The following ECT2 variants were observed in gnomAD, a reference collection of about 807,000 sequenced individuals.
ECT2 encodes protein ECT2.
In ECT2, 61 loss-of-function variants were observed where a neutral mutation model predicts 116.9. The ratio of observed to expected loss-of-function variants is 0.52; its 90% CI spans 0.42 to 0.65. The LOEUF (loss-of-function observed/expected upper bound fraction) is 0.65. ECT2 is among the 30% of genes least tolerant of loss of function. The pLI is 0.00. For missense variants in ECT2, 937 were observed against 1,078.7 expected, an observed-to-expected ratio of 0.87 and a Z score of 1.84; for synonymous variants, 358 against 346.4, an observed-to-expected ratio of 1.03 and a Z score of -0.37.
intron 21 of ECT2, among the ~76,000 whole-genome samples, chr3:172,806,852 G>A (rs1291092516): frequency 5.3e-5 from 8 of 151,314 alleles, no homozygotes; most frequent in African/African-American, 1.9e-4. Flanking sequence ...CATGTTGGCC[G>A]GGCTGGTCTT....
At chr3:172,758,841 A>T in intron 5 of ECT2, 139 bp from the exon 6 acceptor site, 1 of 688,866 alleles carries the variant, frequency 1.5e-6, no homozygotes, top group Non-Finnish European at 2.4e-6. Flanking sequence ...TTTGTTGCAT[A>T]TTGAAAAAAT....
At chr3:172,791,214 A>G (rs1193932917) in intron 18 of ECT2, among the ~76,000 whole-genome samples, 1 of 152,230 alleles carries the variant, frequency 6.6e-6, no homozygotes, top group Non-Finnish European at 1.5e-5. Flanking sequence ...TGTTTCATTT[A>G]TAGAGCACAG....
At chr3:172,792,408 A>T (rs185431556) in intron 18 of ECT2, among the ~76,000 whole-genome samples, 8 of 151,118 alleles carry the variant, frequency 5.3e-5, no homozygotes, top group African/African-American at 1.9e-4. Context: ...GGATGCCTAT[A>T]TGCACTTTCT....
intron 12 of ECT2, 84 bp downstream of exon 12, chr3:172,764,584 G>A (rs756040457): frequency 2.8e-5 from 34 of 1,227,370 alleles, no homozygotes; most frequent in Middle Eastern, 1.9e-4. Flanking sequence ...CTGATATAGT[G>A]AATATGGAAG....
At chr3:172,773,080 C>A (rs1720945591) in intron 13 of ECT2, among the ~76,000 whole-genome samples, 1 of 152,098 alleles carries the variant, frequency 6.6e-6, no homozygotes, top group South Asian at 2.1e-4. Context: ...CTGCCAGAAG[C>A]CCTGGAACTT....
chr3:172,759,117 A>C (rs1378535156), intron 6 of ECT2, 48 bp downstream of exon 6: 2 of 1,370,236 alleles, frequency 1.5e-6, no homozygotes, highest in Non-Finnish European at 2.0e-6. Flanking sequence ...CAGCAAAATA[A>C]ATTAAAATTG....
chr3:172,825,962 C>T (rs1035218785), downstream of ECT2, among the ~76,000 whole-genome samples: 6 of 152,204 alleles, frequency 3.9e-5, no homozygotes, highest in Non-Finnish European at 8.8e-5. Context: ...GGCGCGATCT[C>T]GGCTCACTGC....
chr3:172,797,303 G>A (rs1449911616), intron 18 of ECT2, among the ~76,000 whole-genome samples: 2 of 151,908 alleles, frequency 1.3e-5, no homozygotes, highest in African/African-American at 4.8e-5. Context: ...CCAAAGTGCT[G>A]GGATTACAAA....
chr3:172,807,801 G>A lies in ECT2; in HGVS notation c.2277G>A (p.Arg759=). Residue 759 remains arginine, a synonymous_variant, in exon 22 of 25, where the codon AGG becomes AGA. Coordinates refer to ENST00000392692, the MANE Select transcript of ECT2 (RefSeq NM_001258315.2). ...DCHNAFALLV[R]PPTEQANVLL... ...ATAATGCTTTTGCCTTGCTTGTGAG[G>A]CCACCAACAGAGCAGGCAAATGTGC... The A allele has an allele frequency of 6.2e-7, 1 of 1,613,490 alleles. No homozygotes were observed.
chr3:172,807,968 G>A, intron 22 of ECT2, 44 bp downstream of exon 22: 2 of 1,567,814 alleles, frequency 1.3e-6, no homozygotes, highest in South Asian at 1.2e-5. Context: ...TAAATTTCAT[G>A]ACAGTGCATT....
chr3:172,808,058 TG>T, intron 22 of ECT2, 134 bp downstream of exon 22: 1 of 840,442 alleles, frequency 1.2e-6, no homozygotes, highest in Non-Finnish European at 1.8e-6. Flanking sequence ...AAAAAACTGA[TG>T]TAATAAGTTG....
At chr3:172,808,038 G>C in intron 22 of ECT2, 114 bp downstream of exon 22, 2 of 1,050,386 alleles carry the variant, frequency 1.9e-6, no homozygotes, top group South Asian at 4.2e-5. Flanking sequence ...TTTTAGTTTT[G>C]TGTATATTAA....
At chr3:172,825,892 T>C (rs1577065720), downstream of ECT2, among the ~76,000 whole-genome samples, 1 of 152,212 alleles carries the variant, frequency 6.6e-6, no homozygotes, top group African/African-American at 2.4e-5. Context: ...AAACGCCATC[T>C]AAGACTTTCT....
chr3:172,800,940 TTTG>T (rs1192874801), intron 18 of ECT2, among the ~76,000 whole-genome samples: 4 of 152,192 alleles, frequency 2.6e-5, no homozygotes, highest in Non-Finnish European at 5.9e-5. Flanking sequence ...AATGCAGAAT[TTTG>T]TTGTTATGAG....
intron 19 of ECT2, 62 bp downstream of exon 19, chr3:172,802,756 T>G: frequency 3.3e-6 from 5 of 1,518,222 alleles, no homozygotes; most frequent in Middle Eastern, 1.8e-4. Flanking sequence ...GTTTCTGTGG[T>G]TTTAATATAA....
At chr3:172,794,207 A>C (rs1472194322) in intron 18 of ECT2, among the ~76,000 whole-genome samples, 5 of 152,164 alleles carry the variant, frequency 3.3e-5, no homozygotes, top group African/African-American at 1.2e-4. Flanking sequence ...TATTTTCTTT[A>C]AGAATGTTTG....
chr3:172,779,984 T>C (rs1271792836), intron 14 of ECT2, among the ~76,000 whole-genome samples: 2 of 152,076 alleles, frequency 1.3e-5, no homozygotes, highest in African/African-American at 4.8e-5. Flanking sequence ...AAATCCACTC[T>C]AGGAGATTTT....
Position 172,772,503 on chromosome 3 carries a change from C to A in ECT2, c.1429-1400C>A, listed in dbSNP as rs187731240. The stretch of plus-strand genomic sequence containing the variant: ...GAGCCACTGTGCCCGGCCGAGAATT[C>A]TTTATATATTGTGGATACTAGTCCT... On this transcript the variant is annotated intron_variant, in intron 13 of 24. Coordinates refer to ENST00000392692, the MANE Select transcript of ECT2 (RefSeq NM_001258315.2). Among the ~76,000 whole-genome samples the A allele has an allele frequency of 5.3e-5, 8 of 152,270 alleles. No individual in the cohort carries two copies. The East Asian group carries it at 1.5e-3, about 29-fold the overall frequency.
intron 13 of ECT2, among the ~76,000 whole-genome samples, chr3:172,772,551 G>A (rs59714123): frequency 0.093 from 14,183 of 152,130 alleles, 1,226 homozygotes; most frequent in African/African-American, 0.22. Flanking sequence ...ACTTGCAAAT[G>A]CTTTTTTGTC....
Sources: gnomAD v4.1 joint callset for allele counts (sites outside exome capture counted in the v4.1 genomes callset) on GRCh38, gnomAD v4.1.1 for gene constraint, MANE v1.5 for transcripts, NCBI Gene and HGNC (gene_info 2026-07-23, HGNC 2026-07-21) for gene names.